AKIRIN2: variants seen among roughly 807,000 people sequenced by gnomAD.
AKIRIN2 encodes the protein akirin-2.
A neutral mutation model predicts 29.3 loss-of-function variants in AKIRIN2; 6 were observed. That is an observed-to-expected ratio of 0.20 (90% confidence interval 0.11 to 0.40). The LOEUF (loss-of-function observed/expected upper bound fraction) is 0.40. Ranked by LOEUF, AKIRIN2 falls within the 10% of genes least tolerant of loss-of-function variation. The pLI is 1.00. For missense variants in AKIRIN2, 210 were observed against 276.1 expected (o/e 0.76, Z 1.70); for synonymous variants, 128 against 117.5 (o/e 1.09, Z -0.58).
At chr6:87,695,225 C>T (rs1304031684) in intron 1 of AKIRIN2, among the ~76,000 whole-genome samples, 1 of 152,108 alleles carries the variant, frequency 6.6e-6, no homozygotes, top group Non-Finnish European at 1.5e-5. Context: ...GAGAAATATA[C>T]TTAAAGTTCC....
At chr6:87,691,131 A>C (rs1364320540) in intron 1 of AKIRIN2, among the ~76,000 whole-genome samples, 5 of 152,138 alleles carry the variant, frequency 3.3e-5, no homozygotes, top group Admixed American at 3.3e-4. Context: ...AGCGAAGGCT[A>C]CCAAGATCTG....
rs1771479121 is a variant in AKIRIN2 at position 87,702,077 on chromosome 6, GC to G, written c.-394del. On this transcript the variant is annotated 5_prime_UTR_variant, in exon 1 of 5. Coordinates refer to ENST00000257787, the MANE Select transcript of AKIRIN2 (RefSeq NM_018064.4). ...TAGATCCTTTCTGAAGTCGAAAACAGCACCGTGGGGTGTGAGGCTGGAACGC... is the reference window on the plus strand; with the variant it reads ...TAGATCCTTTCTGAAGTCGAAAACAGACCGTGGGGTGTGAGGCTGGAACGC... 3 of 399,284 alleles carry G rather than the reference GC, an allele frequency of 7.5e-6. No individual in the cohort carries two copies. The highest frequency in any genetic ancestry group is 8.8e-6 in the Non-Finnish European group (2 of 226,332). 24.7% of individuals were successfully genotyped at this position (399,284 alleles called of 1,614,324 possible).
chr6:87,693,724 C>CAAAA (rs34150167), intron 1 of AKIRIN2, among the ~76,000 whole-genome samples: 8 of 101,148 alleles, frequency 7.9e-5, no homozygotes, highest in African/African-American at 2.1e-4. Flanking sequence ...GACTCTGTCT[C>CAAAA]AAAAAAAAAA....
At position 87,701,553 on chromosome 6, in the gene AKIRIN2, G is replaced by A. The variant is rs1334989725; in HGVS notation, c.132C>T (p.Ala44=). ...TSAAASPLSA[A]AATAASFSAA... ...CGGAGAAGGAGGCGGCGGTGGCCGC[G>A]GCCGCCGACAACGGGGAGGCAGCGG... Residue 44 remains alanine (A), a synonymous_variant, in exon 1 of 5, where the codon GCC becomes GCT. Coordinates refer to ENST00000257787, the MANE Select transcript of AKIRIN2 (RefSeq NM_018064.4). The A allele has an allele frequency of 2.1e-6, 3 of 1,411,354 alleles. No homozygotes were observed. The highest frequency in any genetic ancestry group is 3.0e-5 in the South Asian group (2 of 66,080). The allele number at this position is 1,411,354 out of a possible 1,614,324, so 87.4% of individuals were successfully genotyped here. A position where few individuals can be genotyped will look rare whatever the true frequency, so the allele number is the denominator to read the frequency against.
Position 87,675,351 on chromosome 6 carries a change from G to A in AKIRIN2, c.*246C>T. The A allele has an allele frequency of 5.5e-6, 3 of 541,686 alleles. No homozygotes were observed. In the South Asian group the frequency reaches 8.8e-5, roughly 16 times the overall value. 33.6% of individuals were successfully genotyped at this position (541,686 alleles called of 1,614,324 possible). A position where few individuals can be genotyped will look rare whatever the true frequency, so the allele number is the denominator to read the frequency against. ...AAACATTAATATAAGAAGCCAAATT[G>A]TAATGATACAGCAAAATGAGGCCAC... On this transcript the variant is annotated 3_prime_UTR_variant, in exon 5 of 5. Transcript: ENST00000257787.
chr6:87,678,098 C>T (rs1393559083), intron 2 of AKIRIN2, 131 bp from the exon 3 acceptor site: 1 of 812,718 alleles, frequency 1.2e-6, no homozygotes, highest in Non-Finnish European at 1.8e-6. Flanking sequence ...ATTTTAAGCA[C>T]AGCATTTCAC....
At chr6:87,690,993 C>A (rs1582123124) in intron 1 of AKIRIN2, among the ~76,000 whole-genome samples, 1 of 151,764 alleles carries the variant, frequency 6.6e-6, no homozygotes, top group South Asian at 2.1e-4. Flanking sequence ...AAAAAGACCA[C>A]CTCTCACACC....
In AKIRIN2 at chr6:87,675,308, C is replaced by G. The variant is rs980420261; in HGVS notation, c.*289G>C. 3 of 449,760 alleles carry G rather than the reference C, an allele frequency of 6.7e-6. No homozygotes were observed. Among genetic ancestry groups the G allele is most frequent in the Non-Finnish European group, 1.2e-5 (3 of 251,060 alleles). The allele number at this position is 449,760 out of a possible 1,614,324, so 27.9% of individuals were successfully genotyped here. On this transcript the variant is annotated 3_prime_UTR_variant, in exon 5 of 5. Transcript: ENST00000257787. The stretch of plus-strand genomic sequence containing the variant: ...CCAGTGAAGGGCATGTTCTAGAATA[C>G]CAGCTTTAATCCTTTTCAAACATTA...
intron 1 of AKIRIN2, among the ~76,000 whole-genome samples, chr6:87,699,617 A>G (rs987717213): frequency 6.6e-6 from 1 of 152,210 alleles, no homozygotes; most frequent in Non-Finnish European, 1.5e-5. Flanking sequence ...AACAATTCCA[A>G]TAATTCCAGT....
At chr6:87,680,815 TC>T (rs1771109197) in intron 2 of AKIRIN2, among the ~76,000 whole-genome samples, 2 of 122,312 alleles carry the variant, frequency 1.6e-5, no homozygotes, top group Non-Finnish European at 3.2e-5. Flanking sequence ...TTGCAAACAT[TC>T]CCCCCAACAA....
intron 1 of AKIRIN2, among the ~76,000 whole-genome samples, chr6:87,688,396 T>G (rs1333188346): frequency 6.6e-6 from 1 of 151,752 alleles, no homozygotes; most frequent in African/African-American, 2.4e-5. Flanking sequence ...TCTCCCAAAA[T>G]GCTGGGATTA....
intron 1 of AKIRIN2, among the ~76,000 whole-genome samples, chr6:87,687,871 C>G (rs1771213427): frequency 6.6e-6 from 1 of 152,158 alleles, no homozygotes; most frequent in Non-Finnish European, 1.5e-5. Flanking sequence ...AGCATGGCTG[C>G]ACGCAGTGGC....
rs145670123 is a variant in AKIRIN2 at position 87,692,156 on chromosome 6, A to C, written c.235+9294T>G. On this transcript the variant is annotated intron_variant, in intron 1 of 4. Transcript: ENST00000257787. Reference sequence around the variant, plus strand: ...TGTCAGTAGTGCTGGTACTAAAAACAATGAAAAAACTGTGATTTGATGGCA... The same window carrying C: ...TGTCAGTAGTGCTGGTACTAAAAACCATGAAAAAACTGTGATTTGATGGCA... 4.6e-5 allele frequency among the ~76,000 whole-genome samples: 7 copies of C among 152,316 alleles called. No individual in the cohort carries two copies. In the East Asian group the frequency reaches 9.6e-4, roughly 21 times the overall value.
intron 1 of AKIRIN2, among the ~76,000 whole-genome samples, chr6:87,691,395 C>A (rs140384341): frequency 0.033 from 4,682 of 140,778 alleles, 250 homozygotes; most frequent in African/African-American, 0.12. Flanking sequence ...GAGCCGAGAT[C>A]GCACCACTGC....
Position 87,701,434 on chromosome 6 carries a change from C to T in AKIRIN2, c.235+16G>A, listed in dbSNP as rs1244563840. On this transcript the variant is annotated intron_variant, in intron 1 of 4. Transcript: ENST00000257787. ...GTTCTCTCCACTACCCCGGCGGCCG[C>T]GGGGCCGGGTCCCACCTGTGGTGAG... 2 of 1,530,852 alleles carry T rather than the reference C, an allele frequency of 1.3e-6. No individual in the cohort carries two copies. The highest frequency in any genetic ancestry group is 1.8e-6 in the Non-Finnish European group (2 of 1,141,092). 94.8% of individuals were successfully genotyped at this position (1,530,852 alleles called of 1,614,324 possible).
chr6:87,677,981 G>A lies in AKIRIN2; in HGVS notation c.380-14C>T, dbSNP rs1165333517. 5 of 1,595,192 alleles carry A rather than the reference G, an allele frequency of 3.1e-6. No homozygotes were observed. The highest frequency in any genetic ancestry group is 4.3e-6 in the Non-Finnish European group (5 of 1,170,788). On this transcript the variant is annotated splice_polypyrimidine_tract_variant and intron_variant, in intron 2 of 4. Transcript: ENST00000257787. ...CAGATGAAGTCCCTATGTACAATGA[G>A]GACAAAAAATAGCACCTGGTTTAGA...
intron 1 of AKIRIN2, among the ~76,000 whole-genome samples, chr6:87,689,177 A>G (rs1349215554): frequency 1.3e-5 from 2 of 152,168 alleles, no homozygotes; most frequent in African/African-American, 2.4e-5. Context: ...ACAATCTCCT[A>G]TAACAACTTG....
At chr6:87,683,511 C>T (rs964601069) in intron 1 of AKIRIN2, among the ~76,000 whole-genome samples, 2 of 152,068 alleles carry the variant, frequency 1.3e-5, no homozygotes, top group Admixed American at 1.3e-4. Flanking sequence ...GGTAAGCATA[C>T]CTTGATATAA....
chr6:87,695,729 T>C (rs138858474), intron 1 of AKIRIN2, among the ~76,000 whole-genome samples: 2 of 152,340 alleles, frequency 1.3e-5, no homozygotes, highest in East Asian at 3.9e-4. Flanking sequence ...ACTTAACCCA[T>C]GCTATTACTT....
Sources: gnomAD v4.1 joint callset for allele counts (sites outside exome capture counted in the v4.1 genomes callset) on GRCh38, gnomAD v4.1.1 for gene constraint, MANE v1.5 for transcripts, NCBI Gene and HGNC (gene_info 2026-07-23, HGNC 2026-07-21) for gene names.